Variants in MEMO1 observed in about 807,000 individuals in gnomAD.
The protein encoded by MEMO1 is mediator of cell motility 1.
A neutral mutation model predicts 45.2 loss-of-function variants in MEMO1; 6 were observed. The ratio of observed to expected loss-of-function variants is 0.13; its 90% CI spans 0.07 to 0.26. The LOEUF is 0.26. MEMO1 is among the 10% of genes least tolerant of loss of function. The pLI, the probability that MEMO1 is intolerant of heterozygous loss-of-function variation, is 1.00. For missense variants in MEMO1, 184 were observed against 370.5 expected (o/e 0.50, Z 4.13); for synonymous variants, 78 against 124.3 (o/e 0.63, Z 2.48).
chr2:31,965,168 G>A (rs1404548708), intron 2 of MEMO1, among the ~76,000 whole-genome samples: 4 of 150,898 alleles, frequency 2.7e-5, no homozygotes, highest in Non-Finnish European at 4.4e-5. Flanking sequence ...AGCCAGGATC[G>A]CACCATTGCA....
intron 2 of MEMO1, among the ~76,000 whole-genome samples, chr2:31,957,583 C>G (rs1395668464): frequency 6.6e-6 from 1 of 152,174 alleles, no homozygotes; most frequent in Non-Finnish European, 1.5e-5. Context: ...TTTTACTTTA[C>G]TTTCCTAAGT....
At chr2:31,923,721 C>T (rs1361468443) in intron 4 of MEMO1, 3 of 1,543,858 alleles carry the variant, frequency 1.9e-6, no homozygotes, top group African/African-American at 1.4e-5. Context: ...AACATCAGAG[C>T]ACTCCTGGAA....
chr2:31,894,198 A>G (rs1426681786), intron 6 of MEMO1, among the ~76,000 whole-genome samples: 1 of 152,256 alleles, frequency 6.6e-6, no homozygotes, highest in Non-Finnish European at 1.5e-5. Flanking sequence ...AACAATGAGA[A>G]GAGCATGTTC....
intron 2 of MEMO1, among the ~76,000 whole-genome samples, chr2:31,971,035 C>T (rs914345045): frequency 1.3e-5 from 2 of 152,122 alleles, no homozygotes; most frequent in African/African-American, 4.8e-5. Flanking sequence ...ATATAATTAC[C>T]TACAAATTAG....
At chr2:31,985,406 A>C (rs559503041) in intron 2 of MEMO1, among the ~76,000 whole-genome samples, 115 of 152,212 alleles carry the variant, frequency 7.6e-4, no homozygotes, top group African/African-American at 2.7e-3. Flanking sequence ...GCTCATTGCA[A>C]CCTCCACCTC....
intron 6 of MEMO1, among the ~76,000 whole-genome samples, chr2:31,902,952 C>G (rs1038691369): frequency 3.3e-5 from 5 of 151,500 alleles, no homozygotes; most frequent in Non-Finnish European, 5.9e-5. Flanking sequence ...AAGATGAATT[C>G]TAATAAAAAA....
At chr2:31,927,361 T>C (rs1395378155) in intron 4 of MEMO1, among the ~76,000 whole-genome samples, 2 of 152,302 alleles carry the variant, frequency 1.3e-5, no homozygotes, top group African/African-American at 4.8e-5. Context: ...ACTTCAGATT[T>C]CGCATTATAA....
intron 8 of MEMO1, among the ~76,000 whole-genome samples, chr2:31,872,056 T>C (rs2147877729): frequency 2.7e-5 from 2 of 72,766 alleles, no homozygotes; most frequent in Non-Finnish European, 5.7e-5. Flanking sequence ...AAGTTAAACC[T>C]ATATAAACTA....
At chr2:31,942,180 G>C (rs578066191) in intron 3 of MEMO1, among the ~76,000 whole-genome samples, 29 of 152,214 alleles carry the variant, frequency 1.9e-4, no homozygotes, top group Admixed American at 9.8e-4. Context: ...CTAGCTTGCA[G>C]TTCTAAAAAG....
At chr2:31,991,767 T>C (rs1010104175) in intron 2 of MEMO1, among the ~76,000 whole-genome samples, 4 of 152,202 alleles carry the variant, frequency 2.6e-5, no homozygotes, top group Admixed American at 2.6e-4. Flanking sequence ...AAAACAGTGC[T>C]GTCAGCAACT....
intron 2 of MEMO1, among the ~76,000 whole-genome samples, chr2:31,984,536 G>A (rs918794874): frequency 3.3e-5 from 5 of 152,222 alleles, no homozygotes; most frequent in African/African-American, 7.2e-5. Flanking sequence ...TGGGCTGTGC[G>A]CAGTGGCTCA....
chr2:31,936,350 CTAACA>C (rs1344721052), intron 3 of MEMO1, among the ~76,000 whole-genome samples: 5 of 152,202 alleles, frequency 3.3e-5, no homozygotes, highest in Non-Finnish European at 7.3e-5. Context: ...GATTCCCAAC[CTAACA>C]TATCATGAAG....
intron 6 of MEMO1, among the ~76,000 whole-genome samples, chr2:31,900,804 A>G (rs928540120): frequency 6.6e-6 from 1 of 152,214 alleles, no homozygotes; most frequent in Admixed American, 6.5e-5. Context: ...ACAATAACAG[A>G]TATTGGCCAG....
At chr2:31,943,020 T>C (rs1442390409) in intron 3 of MEMO1, among the ~76,000 whole-genome samples, 1 of 152,160 alleles carries the variant, frequency 6.6e-6, no homozygotes, top group East Asian at 1.9e-4. Flanking sequence ...AGGCCAGGCG[T>C]GAGCGAGACC....
intron 4 of MEMO1, among the ~76,000 whole-genome samples, chr2:31,926,362 CCTGTCT>C (rs1683111709): frequency 1.6e-5 from 2 of 123,752 alleles, no homozygotes; most frequent in Non-Finnish European, 3.3e-5. Flanking sequence ...AGAGCAAGAT[CCTGTCT>C]CAAAAGGGAA....
chr2:31,880,117 C>G (rs1044287288), intron 8 of MEMO1, among the ~76,000 whole-genome samples: 11 of 152,176 alleles, frequency 7.2e-5, no homozygotes, highest in Non-Finnish European at 1.5e-4. Flanking sequence ...GTTTTCTCTT[C>G]TTTATGTCCT....
At chr2:31,910,670 G>T (rs1680428843) in intron 6 of MEMO1, among the ~76,000 whole-genome samples, 1 of 152,012 alleles carries the variant, frequency 6.6e-6, no homozygotes, top group Non-Finnish European at 1.5e-5. Context: ...GACCAGCCTG[G>T]GCAGGATAGT....
At chr2:31,993,710 C>G (rs1672213305) in intron 2 of MEMO1, among the ~76,000 whole-genome samples, 1 of 152,098 alleles carries the variant, frequency 6.6e-6, no homozygotes, top group Non-Finnish European at 1.5e-5. Flanking sequence ...ATTTCTAGAA[C>G]TCAGTGGGCC....
At chr2:31,936,254 G>A (rs900898108) in intron 3 of MEMO1, among the ~76,000 whole-genome samples, 2 of 152,104 alleles carry the variant, frequency 1.3e-5, no homozygotes, top group Non-Finnish European at 1.5e-5. Flanking sequence ...GAGCCACCGC[G>A]CCTGGCCTGT....
Sources: allele counts gnomAD v4.1 joint callset (sites outside exome capture counted in the v4.1 genomes callset), GRCh38; gene constraint gnomAD v4.1.1; transcripts MANE v1.5; gene names NCBI Gene and HGNC (gene_info 2026-07-23, HGNC 2026-07-21).